ADGRL2: variants seen among roughly 807,000 people sequenced by gnomAD.
The protein encoded by ADGRL2 is adhesion G protein-coupled receptor L2.
Under a neutral mutation model 157.4 loss-of-function variants are expected in ADGRL2, and 44 were observed. The ratio of observed to expected loss-of-function variants is 0.28; its 90% CI spans 0.22 to 0.36. ADGRL2 has a LOEUF of 0.36. Among genes scored for constraint, ADGRL2 ranks in the 10% least tolerant of loss-of-function variants. ADGRL2 has a pLI of 1.00. For synonymous variants in ADGRL2, 585 were observed against 624.7 expected (o/e 0.94, Z 0.95); for missense variants, 1,510 against 1,768.9 (o/e 0.85, Z 2.63).
intron 1 of ADGRL2, among the ~76,000 whole-genome samples, chr1:81,719,473 A>G (rs1351934749): frequency 1.3e-5 from 2 of 152,146 alleles, no homozygotes; most frequent in Non-Finnish European, 2.9e-5. Context: ...TTCCTTTACA[A>G]TCCCAAGTAA....
chr1:81,352,690 G>A (rs1156515252), intron 1 of ADGRL2, among the ~76,000 whole-genome samples: 2 of 152,182 alleles, frequency 1.3e-5, no homozygotes, highest in East Asian at 3.9e-4. Context: ...AACCTCCGTT[G>A]GTAAATTTTA....
At chr1:81,601,901 A>G (rs766263492) in intron 3 of ADGRL2, among the ~76,000 whole-genome samples, 4 of 152,220 alleles carry the variant, frequency 2.6e-5, no homozygotes, top group Non-Finnish European at 5.9e-5. Flanking sequence ...AGAAAGAGGC[A>G]GAATGAAAGA....
At chr1:81,380,686 A>G (rs1462396515) in intron 1 of ADGRL2, among the ~76,000 whole-genome samples, 3 of 152,202 alleles carry the variant, frequency 2.0e-5, no homozygotes, top group African/African-American at 7.2e-5. Flanking sequence ...ACAAATAATA[A>G]CATCTATTGC....
intron 2 of ADGRL2, among the ~76,000 whole-genome samples, chr1:81,850,585 C>A (rs1335594519): frequency 6.6e-6 from 1 of 151,830 alleles, no homozygotes; most frequent in African/African-American, 2.4e-5. Context: ...TAAATTCATT[C>A]TTTGACCTAT....
rs1427790721 is a variant in ADGRL2 at position 81,951,027 on chromosome 1, C to T, written c.1514C>T (p.Ser505Leu). ...PCPKGTRGTA[S>L]YLCMISTGTW... is the part of the protein sequence containing the mutation. ...TCTACATCTGTTGTAGGAACTGCCT[C>T]ATATCTCTGCATGATTTCCACTGGA... is the stretch of plus-strand genomic sequence containing the variant. Residue 505 changes from serine (S) to leucine (L), a missense_variant, in exon 8 of 24, where the codon TCA becomes TTA. By Grantham distance (145) the Ser-to-Leu change is moderately radical. Coordinates refer to ENST00000686636, the MANE Select transcript of ADGRL2 (RefSeq NM_001366006.2). The T allele has an allele frequency of 6.2e-7, 1 of 1,610,854 alleles. No homozygotes were observed. The highest frequency in any genetic ancestry group is 1.1e-5 in the South Asian group (1 of 90,998).
At chr1:81,689,011 G>A (rs902561209) in intron 3 of ADGRL2, among the ~76,000 whole-genome samples, 1 of 152,188 alleles carries the variant, frequency 6.6e-6, no homozygotes, top group African/African-American at 2.4e-5. Context: ...ACAGAGTCCT[G>A]TGATGTGAAC....
In ADGRL2 at chr1:81,369,704, G is replaced by GA. The variant is rs61407845; in HGVS notation, c.-302+63205dup. 2.7e-3 allele frequency among the ~76,000 whole-genome samples: 403 copies of GA among 148,710 alleles called. 6 individuals carry two copies. In the East Asian group the frequency reaches 0.031, roughly 11 times the overall value. On this transcript the variant is annotated intron_variant, in intron 1 of 24. Coordinates refer to the ADGRL2 transcript ENST00000370721. ...TCAATTTATATTTCCTTATGAACAT[G>GA]AAAAAAAAAATCCCTTTGGTTCAGA...
intron 2 of ADGRL2, among the ~76,000 whole-genome samples, chr1:81,478,583 G>GT (rs2078320493): frequency 6.6e-6 from 1 of 152,198 alleles, no homozygotes; most frequent in Non-Finnish European, 1.5e-5. Flanking sequence ...AGTCGCTGGT[G>GT]TTTAAGCCTT....
intron 1 of ADGRL2, among the ~76,000 whole-genome samples, chr1:81,345,390 C>A (rs559672828): frequency 6.6e-6 from 1 of 152,168 alleles, no homozygotes; most frequent in Non-Finnish European, 1.5e-5. Context: ...CTGATACATA[C>A]GCATTTTAAA....
intron 1 of ADGRL2, among the ~76,000 whole-genome samples, chr1:81,331,340 A>G (rs1661251597): frequency 6.6e-6 from 1 of 152,100 alleles, no homozygotes; most frequent in African/African-American, 2.4e-5. Context: ...TAGGATCTGA[A>G]ATAATGATTA....
At chr1:81,360,396 G>A (rs1368013801) in intron 1 of ADGRL2, among the ~76,000 whole-genome samples, 7 of 151,804 alleles carry the variant, frequency 4.6e-5, no homozygotes, top group African/African-American at 1.7e-4. Flanking sequence ...AAACCAAGAG[G>A]ACCAAAGGCT....
At chr1:81,485,712 A>G (rs1225884274) in intron 2 of ADGRL2, among the ~76,000 whole-genome samples, 2 of 152,184 alleles carry the variant, frequency 1.3e-5, no homozygotes, top group Admixed American at 6.5e-5. Context: ...GAAGGTTGCT[A>G]AGAAACACTG....
chr1:81,802,076 T>A (rs1371704735), intron 1 of ADGRL2, among the ~76,000 whole-genome samples: 2 of 149,984 alleles, frequency 1.3e-5, no homozygotes, highest in Admixed American at 6.6e-5. Context: ...GCCGGGGAGC[T>A]GCGGCGCTGC....
intron 1 of ADGRL2, among the ~76,000 whole-genome samples, chr1:81,714,388 TA>T (rs2084038058): frequency 6.6e-6 from 1 of 152,196 alleles, no homozygotes; most frequent in African/African-American, 2.4e-5. Context: ...TCAAACTTCT[TA>T]AAAATACATG....
At chr1:81,871,137 A>G (rs2093683389) in intron 2 of ADGRL2, among the ~76,000 whole-genome samples, 1 of 122,800 alleles carries the variant, frequency 8.1e-6, no homozygotes, top group African/African-American at 3.2e-5. Flanking sequence ...TCCTGTGTCC[A>G]AGTGTTCTCA....
At chr1:81,933,273 T>C (rs747012164) in intron 3 of ADGRL2, among the ~76,000 whole-genome samples, 1 of 152,208 alleles carries the variant, frequency 6.6e-6, no homozygotes, top group Non-Finnish European at 1.5e-5. Flanking sequence ...TTGTTCTCAT[T>C]CATACCGATT....
At position 81,398,346 on chromosome 1, in the gene ADGRL2, T is replaced by C. The variant is rs568906297; in HGVS notation, c.-301-46690T>C. Among the ~76,000 whole-genome samples the C allele has an allele frequency of 7.2e-5, 11 of 152,330 alleles. No individual in the cohort carries two copies. The South Asian group carries it at 2.3e-3, about 32-fold the overall frequency. On this transcript the variant is annotated intron_variant, in intron 1 of 24. Coordinates refer to the ADGRL2 transcript ENST00000370721. ...GTGAGGACTTACTCCTGTCATTTTG[T>C]TGTTTCCTGGTTGTTTTTATACCTT...
At chr1:81,461,359 T>C (rs1481634667) in intron 2 of ADGRL2, among the ~76,000 whole-genome samples, 1 of 152,118 alleles carries the variant, frequency 6.6e-6, no homozygotes, top group Non-Finnish European at 1.5e-5. Flanking sequence ...CAGATGTTTG[T>C]AGTAATCCTT....
At chr1:81,337,007 T>G (rs370370733) in intron 1 of ADGRL2, among the ~76,000 whole-genome samples, 13 of 152,054 alleles carry the variant, frequency 8.5e-5, no homozygotes, top group African/African-American at 2.9e-4. Context: ...GAGCTTGACA[T>G]CAGCGAGAAG....
Sources: gnomAD v4.1 joint callset for allele counts (sites outside exome capture counted in the v4.1 genomes callset) on GRCh38, gnomAD v4.1.1 for gene constraint, MANE v1.5 for transcripts, NCBI Gene and HGNC (gene_info 2026-07-23, HGNC 2026-07-21) for gene names.